Variants in SLC9A9 observed in about 807,000 individuals in gnomAD.
SLC9A9 encodes sodium/hydrogen exchanger 9.
SLC9A9 carries 62 observed loss-of-function variants against 77.8 expected under a neutral mutation model. That is an observed-to-expected ratio of 0.80 (90% CI 0.65 to 0.98). SLC9A9 has a LOEUF of 0.98. SLC9A9 is among the 50% of genes least tolerant of loss of function. The pLI, the probability that SLC9A9 is intolerant of heterozygous loss-of-function variation, is 0.00. For missense variants in SLC9A9, 775 were observed against 774.9 expected (o/e 1.00, Z 0.00); for synonymous variants, 320 against 283.5 (o/e 1.13, Z -1.29).
At chr3:143,508,267 A>G (rs1278114677) in intron 9 of SLC9A9, among the ~76,000 whole-genome samples, 3 of 152,218 alleles carry the variant, frequency 2.0e-5, no homozygotes, top group Non-Finnish European at 4.4e-5. Flanking sequence ...CCAGATATCT[A>G]GAGATGTGTT....
intron 4 of SLC9A9, among the ~76,000 whole-genome samples, chr3:143,785,003 C>A (rs1315215326): frequency 1.3e-5 from 2 of 152,164 alleles, no homozygotes; most frequent in South Asian, 4.2e-4. Context: ...TACCAGCACC[C>A]TGATCTAGGA....
intron 4 of SLC9A9, among the ~76,000 whole-genome samples, chr3:143,742,010 C>T (rs1935085161): frequency 6.6e-6 from 1 of 152,042 alleles, no homozygotes; most frequent in African/African-American, 2.4e-5. Context: ...ACATTAGCCA[C>T]AAGATTAGAA....
intron 6 of SLC9A9, among the ~76,000 whole-genome samples, chr3:143,592,935 C>G (rs1576597413): frequency 6.6e-6 from 1 of 152,110 alleles, no homozygotes; most frequent in South Asian, 2.1e-4. Flanking sequence ...CAGGCCTATG[C>G]TCCCTGGAAC....
chr3:143,489,783 T>C (rs2035709379), intron 11 of SLC9A9, among the ~76,000 whole-genome samples: 1 of 152,150 alleles, frequency 6.6e-6, no homozygotes, highest in African/African-American at 2.4e-5. Flanking sequence ...ATATGTCTGA[T>C]AAAGGATCAG....
intron 8 of SLC9A9, among the ~76,000 whole-genome samples, chr3:143,555,952 C>T (rs919443973): frequency 6.6e-6 from 1 of 152,178 alleles, no homozygotes; most frequent in South Asian, 2.1e-4. Context: ...TATTAGCATA[C>T]ACAATCATAA....
chr3:143,284,175 C>A (rs10804688), intron 14 of SLC9A9, among the ~76,000 whole-genome samples: 152,220 of 152,236 alleles, frequency 1, 76,102 homozygotes, highest in Middle Eastern at 1. Context: ...TCCTAAATCA[C>A]ACCTTCCATT....
intron 4 of SLC9A9, among the ~76,000 whole-genome samples, chr3:143,740,815 A>T (rs1303997420): frequency 6.6e-6 from 1 of 152,200 alleles, no homozygotes; most frequent in Non-Finnish European, 1.5e-5. Flanking sequence ...TAAGTACTGT[A>T]CTGTAGTTGA....
At chr3:143,654,495 G>A (rs2038854419) in intron 5 of SLC9A9, among the ~76,000 whole-genome samples, 1 of 152,202 alleles carries the variant, frequency 6.6e-6, no homozygotes, top group Non-Finnish European at 1.5e-5. Context: ...CAGTTGGTGG[G>A]AGGGAACAAG....
At chr3:143,448,449 C>T (rs1229112344) in intron 12 of SLC9A9, among the ~76,000 whole-genome samples, 1 of 152,086 alleles carries the variant, frequency 6.6e-6, no homozygotes, top group Non-Finnish European at 1.5e-5. Flanking sequence ...CATCTTCCTG[C>T]AGACCCAGAA....
At chr3:143,722,377 G>A (rs1302435301) in intron 4 of SLC9A9, among the ~76,000 whole-genome samples, 1 of 141,406 alleles carries the variant, frequency 7.1e-6, no homozygotes, top group Non-Finnish European at 1.5e-5. Flanking sequence ...AGAGGCTGAG[G>A]CAGAAGAATG....
intron 4 of SLC9A9, among the ~76,000 whole-genome samples, chr3:143,730,713 C>A (rs1934780977): frequency 6.6e-6 from 1 of 151,914 alleles, no homozygotes; most frequent in Non-Finnish European, 1.5e-5. Context: ...AATTTCGGTG[C>A]CTATTGAAAT....
At chr3:143,663,568 A>G (rs1169178633) in intron 5 of SLC9A9, among the ~76,000 whole-genome samples, 1 of 152,236 alleles carries the variant, frequency 6.6e-6, no homozygotes, top group Non-Finnish European at 1.5e-5. Flanking sequence ...AAAAACCTTG[A>G]AAAAAGATTA....
chr3:143,763,916 T>C (rs1286535642), intron 4 of SLC9A9, among the ~76,000 whole-genome samples: 1 of 152,066 alleles, frequency 6.6e-6, no homozygotes, highest in East Asian at 1.9e-4. Context: ...AAGTGTGTGT[T>C]GCTTCTTTTT....
At chr3:143,689,398 G>A (rs905714083) in intron 5 of SLC9A9, among the ~76,000 whole-genome samples, 1 of 152,084 alleles carries the variant, frequency 6.6e-6, no homozygotes, top group African/African-American at 2.4e-5. Context: ...TTAGAAAGAT[G>A]ATTATTATTA....
At chr3:143,762,275 G>T (rs2108833173) in intron 4 of SLC9A9, among the ~76,000 whole-genome samples, 1 of 152,232 alleles carries the variant, frequency 6.6e-6, no homozygotes, top group Admixed American at 6.5e-5. Flanking sequence ...CACCAACATG[G>T]CACATGTATA....
intron 9 of SLC9A9, among the ~76,000 whole-genome samples, chr3:143,539,995 T>C (rs535963097): frequency 2.0e-4 from 30 of 151,946 alleles, no homozygotes; most frequent in Non-Finnish European, 3.5e-4. Context: ...TAAAGAAAAT[T>C]AATATTTAGA....
At chr3:143,315,982 G>T (rs572209425) in intron 14 of SLC9A9, among the ~76,000 whole-genome samples, 10 of 152,344 alleles carry the variant, frequency 6.6e-5, no homozygotes, top group Non-Finnish European at 1.5e-4. Flanking sequence ...TGACACCAAA[G>T]TCCTCTTGCC....
intron 7 of SLC9A9, among the ~76,000 whole-genome samples, chr3:143,575,905 T>C (rs2037350252): frequency 6.6e-6 from 1 of 152,130 alleles, no homozygotes; most frequent in Non-Finnish European, 1.5e-5. Context: ...ATAGCCTGTG[T>C]CTGTAGAGCC....
At chr3:143,640,867 C>A (rs1478843071) in intron 6 of SLC9A9, among the ~76,000 whole-genome samples, 1 of 152,030 alleles carries the variant, frequency 6.6e-6, no homozygotes, top group Non-Finnish European at 1.5e-5. Context: ...CAAAACAAAA[C>A]AAAATAAAAC....
Sources: allele counts gnomAD v4.1 joint callset (sites outside exome capture counted in the v4.1 genomes callset), GRCh38; gene constraint gnomAD v4.1.1; transcripts MANE v1.5; gene names NCBI Gene and HGNC (gene_info 2026-07-23, HGNC 2026-07-21).